The following USP35 variants were observed in gnomAD, a reference collection of about 807,000 sequenced individuals.
The protein encoded by USP35 is ubiquitin specific peptidase 35, also known as ubiquitin carboxyl-terminal hydrolase 35.
A neutral mutation model predicts 83.8 loss-of-function variants in USP35; 69 were observed. The ratio of observed to expected loss-of-function variants is 0.82; its 90% CI spans 0.68 to 1.01. The LOEUF is 1.01. Among genes scored for constraint, USP35 ranks in the 50% least tolerant of loss-of-function variants. The pLI is 0.00. For missense variants in USP35, 1,503 were observed against 1,362.5 expected, an observed-to-expected ratio of 1.10 and a Z score of -1.62; for synonymous variants, 714 against 589.5, an observed-to-expected ratio of 1.21 and a Z score of -3.06.
the USP35 span, among the ~76,000 whole-genome samples, chr11:78,230,676 A>C: frequency 6.6e-6 from 1 of 152,240 alleles, no homozygotes; most frequent in Non-Finnish European, 1.5e-5. Flanking sequence ...ATGTTGAGGG[A>C]GACTGATTAT....
chr11:78,204,328 A>G (rs1345464007), intron 6 of USP35, among the ~76,000 whole-genome samples: 1 of 152,240 alleles, frequency 6.6e-6, no homozygotes, highest in Non-Finnish European at 1.5e-5. Flanking sequence ...CATGGGTTCT[A>G]TGAGTACATC....
In USP35 at chr11:78,208,901, G is replaced by A. The variant is rs555148298; in HGVS notation, c.1530G>A (p.Thr510=). The A allele has an allele frequency of 3.0e-5, 49 of 1,614,212 alleles. No homozygotes were observed. Among genetic ancestry groups the A allele is most frequent in the East Asian group, 2.7e-4 (12 of 44,884 alleles). The change falls in exon 9 of 11, where the codon ACG becomes ACA. Residue 510 remains threonine, a synonymous_variant. Transcript: ENST00000529308. Reference sequence around the variant, plus strand: ...AGAACTTCCTCTCCGCATCCTGGACGCCCTGGTTCAGCCCTGGCACCCAGC... The same window carrying A: ...AGAACTTCCTCTCCGCATCCTGGACACCCTGGTTCAGCCCTGGCACCCAGC... The part of the protein sequence containing the change: ...SPENFLSASW[T]PWFSPGTQQD...
rs1207965425 is a variant in USP35 at position 78,190,251 on chromosome 11, G to T, written c.-11+1094G>T. 2.1e-3 allele frequency among the ~76,000 whole-genome samples: 325 copies of T among 152,070 alleles called. 1 individual carries two copies. Among genetic ancestry groups the T allele is most frequent in the African/African-American group, 7.5e-3 (312 of 41,434 alleles). On this transcript the variant is annotated intron_variant, in intron 1 of 10. Coordinates refer to ENST00000529308, the MANE Select transcript of USP35 (RefSeq NM_020798.4). Reference sequence around the variant, plus strand: ...CAGGAACAGATTTTTGTTTTGTTTTGTTTTGTTTTTGTTTTGTGCTTTTTC... The same window carrying T: ...CAGGAACAGATTTTTGTTTTGTTTTTTTTTGTTTTTGTTTTGTGCTTTTTC...
intron 9 of USP35, 83 bp from the exon 10 acceptor site, chr11:78,209,365 G>C (rs1863644454): frequency 7.1e-7 from 1 of 1,399,160 alleles, no homozygotes; most frequent in South Asian, 1.5e-5. Context: ...GGCTGTTGGG[G>C]AAGGTAAATG....
At position 78,208,957 on chromosome 11, in the gene USP35, T is replaced by A. The variant is rs1207390949; in HGVS notation, c.1586T>A (p.Leu529Gln). ...TGCTCGGAGTATCTGAAGTACCTGC[T>A]GGATCGGTAAGGGGGCCAGGGCTAC... ...QDCSEYLKYLLDRLHEEEKTG... is the reference protein window; with the variant it reads ...QDCSEYLKYLQDRLHEEEKTG... Residue 529 changes from leucine to glutamine, a missense_variant, in exon 9 of 11, where the codon CTG becomes CAG. Leu to Gln is a moderately radical substitution (Grantham distance 113). Coordinates refer to ENST00000529308, the MANE Select transcript of USP35 (RefSeq NM_020798.4). 6.2e-7 allele frequency: 1 copy of A among 1,614,138 alleles called. No individual in the cohort carries two copies. The highest frequency in any genetic ancestry group is 8.5e-7 in the Non-Finnish European group (1 of 1,179,990).
chr11:78,192,343 G>C (rs2137021666), intron 1 of USP35, among the ~76,000 whole-genome samples: 1 of 152,348 alleles, frequency 6.6e-6, no homozygotes, highest in African/African-American at 2.4e-5. Context: ...CAGCCCTCCT[G>C]AGGGAGGCAG....
chr11:78,223,745 T>C, the USP35 span: 1 of 1,335,134 alleles, frequency 7.5e-7, no homozygotes. Context: ...GGGTAAGACT[T>C]TGTAAATGAG....
chr11:78,221,554 A>T, the USP35 span: 6 of 537,970 alleles, frequency 1.1e-5, no homozygotes, highest in Admixed American at 1.9e-4. Flanking sequence ...AGGAGACTAA[A>T]TCATGAATAA....
intron 1 of USP35, among the ~76,000 whole-genome samples, chr11:78,190,535 G>A (rs1862973042): frequency 6.6e-6 from 1 of 152,162 alleles, no homozygotes; most frequent in Non-Finnish European, 1.5e-5. Context: ...GCACCTTCAC[G>A]GACACCTCAG....
chr11:78,228,504 GACCTTTTGC>G, the USP35 span, among the ~76,000 whole-genome samples: 9 of 152,168 alleles, frequency 5.9e-5, no homozygotes, highest in Non-Finnish European at 1.3e-4. Context: ...CCAATCCCTG[GACCTTTTGC>G]CTTATAGAAG....
Position 78,191,750 on chromosome 11 carries a change from G to C in USP35, c.-11+2593G>C, listed in dbSNP as rs61626798. 7.7e-3 allele frequency among the ~76,000 whole-genome samples: 1,171 copies of C among 152,112 alleles called. 16 individuals are homozygous for C. Among genetic ancestry groups the C allele is most frequent in the African/African-American group, 0.027 (1,109 of 41,470 alleles). On this transcript the variant is annotated intron_variant, in intron 1 of 10. Coordinates refer to ENST00000529308, the MANE Select transcript of USP35 (RefSeq NM_020798.4). The stretch of plus-strand genomic sequence containing the variant: ...GGAGAATCAGCAGGATCAGCAGTGC[G>C]TGTCTCCTTGTCTCCTTTCCCTGAC...
rs995837704 is a variant in USP35 at position 78,209,513 on chromosome 11, C to T, written c.1658C>T (p.Ser553Phe). Residue 553 changes from serine to phenylalanine, a missense_variant, in exon 10 of 11, where the codon TCT becomes TTT. Physicochemically the swap from Ser to Phe is radical, Grantham distance 155. Transcript: ENST00000529308. ...AAACTCAAGCAGTCCAGCTCGCCCT[C>T]TCCGCCCGAGGAGCCCCCGGCCCCA... is the stretch of plus-strand genomic sequence containing the variant. ...CQKLKQSSSP[S>F]PPEEPPAPSS... is the part of the protein sequence containing the mutation. The T allele has an allele frequency of 4.3e-6, 7 of 1,614,094 alleles. No individual in the cohort carries two copies. Among genetic ancestry groups the T allele is most frequent in the Admixed American group, 1.7e-5 (1 of 60,022 alleles).
At chr11:78,213,341 G>T (rs114449128) in intron 10 of USP35, among the ~76,000 whole-genome samples, 88 of 152,262 alleles carry the variant, frequency 5.8e-4, no homozygotes, top group African/African-American at 2.0e-3. Context: ...ACAGGTTCCC[G>T]TGTGGTGTGA....
the USP35 span, among the ~76,000 whole-genome samples, chr11:78,223,870 G>A: frequency 6.6e-6 from 1 of 152,082 alleles, no homozygotes; most frequent in African/African-American, 2.4e-5. Flanking sequence ...CACTTGAGGT[G>A]AGGGGTTCGA....
chr11:78,213,580 G>A (rs1301228692), intron 10 of USP35, 66 bp from the exon 11 acceptor site: 3 of 1,428,640 alleles, frequency 2.1e-6, no homozygotes, highest in Non-Finnish European at 2.7e-6. Context: ...TGTTGTGCTG[G>A]GTAGACTCAC....
At chr11:78,194,698 G>C (rs186728740) in intron 1 of USP35, among the ~76,000 whole-genome samples, 18 of 152,264 alleles carry the variant, frequency 1.2e-4, no homozygotes, top group Non-Finnish European at 2.2e-4. Flanking sequence ...GCAGAAGGAA[G>C]GCTATTATGG....
intron 4 of USP35, 81 bp from the exon 5 acceptor site, chr11:78,200,052 T>C (rs1047806950): frequency 1.3e-5 from 19 of 1,478,832 alleles, no homozygotes; most frequent in Non-Finnish European, 1.7e-5. Context: ...AGGGTGTCTC[T>C]GAGTCCCCTC....
chr11:78,196,311 T>G lies in USP35; in HGVS notation c.66T>G (p.Val22=). 6.3e-7 allele frequency: 1 copy of G among 1,592,098 alleles called. No individual in the cohort carries two copies. The highest frequency in any genetic ancestry group is 8.5e-7 in the Non-Finnish European group (1 of 1,176,364). ...CGGTCAGCGTGAAGCAGGGGCTGGT[T>G]CGGCGCGTGCTGGAGGCGGCGCGGC... ...SYPVSVKQGL[V]RRVLEAARQP... Residue 22 remains valine, a synonymous_variant, in exon 2 of 11, where the codon GTT becomes GTG. Transcript: ENST00000529308. The surrounding 1 kb of genome is among the most constrained non-coding windows in gnomAD (Gnocchi z 4.8).
the USP35 span, chr11:78,225,299 C>T: frequency 1.3e-6 from 1 of 750,724 alleles, no homozygotes. Context: ...CTTACTGATA[C>T]TCCAGAAGAT....
Sources: allele counts gnomAD v4.1 joint callset (sites outside exome capture counted in the v4.1 genomes callset), GRCh38; gene constraint gnomAD v4.1.1; non-coding constraint Gnocchi (gnomAD v3.1); transcripts MANE v1.5; gene names NCBI Gene and HGNC (gene_info 2026-07-23, HGNC 2026-07-21).